CNTLN: variants seen among roughly 807,000 people sequenced by gnomAD.
CNTLN encodes centlein.
Under a neutral mutation model 180.0 loss-of-function variants are expected in CNTLN, and 212 were observed. The ratio of observed to expected loss-of-function variants is 1.18; its 90% CI spans 1.05 to 1.32. The LOEUF (loss-of-function observed/expected upper bound fraction) is 1.32, where lower values mean the gene tolerates loss of function less well. Among genes scored for constraint, CNTLN ranks in the 40% most tolerant of loss-of-function variants. The probability of loss-of-function intolerance (pLI) is 0.00; values close to 1 mark genes in which losing one functional copy is unlikely to be tolerated. For synonymous variants in CNTLN, 722 were observed against 563.1 expected (o/e 1.28, Z -3.99); for missense variants, 2,095 against 1,610.9 (o/e 1.30, Z -5.14).
chr9:17,445,277 C>G (rs1046222587), intron 18 of CNTLN, among the ~76,000 whole-genome samples: 1 of 151,988 alleles, frequency 6.6e-6, no homozygotes, highest in Non-Finnish European at 1.5e-5. Context: ...TTGAAATTCC[C>G]TGACTGGCTT....
At chr9:17,491,845 C>A (rs1247684977) in intron 25 of CNTLN, among the ~76,000 whole-genome samples, 1 of 149,284 alleles carries the variant, frequency 6.7e-6, no homozygotes, top group African/African-American at 2.6e-5. Flanking sequence ...TGTAGAATGC[C>A]TTGCAGTGTG....
rs537763145 is a variant in CNTLN at position 17,466,778 on chromosome 9, G to A, written c.3742G>A (p.Ala1248Thr). ...TGCAATGGCAGAAATTGAAACAGCAGCATCTAAGCAGCTTCAAGAATTAGC... is the reference window on the plus strand; with the variant it reads ...TGCAATGGCAGAAATTGAAACAGCAACATCTAAGCAGCTTCAAGAATTAGC... ...ESAMAEIETA[A>T]SKQLQELALQ... is the part of the protein sequence containing the mutation. Residue 1248 changes from alanine (A) to threonine (T), a missense_variant, in exon 23 of 26, where the codon GCA becomes ACA. Transcript: ENST00000380647. 39 of 1,610,848 alleles carry A rather than the reference G, an allele frequency of 2.4e-5. No homozygotes were observed. The Admixed American group carries it at 2.8e-4, about 12-fold the overall frequency.
chr9:17,366,714 G>C lies in CNTLN; in HGVS notation c.1984G>C (p.Glu662Gln). 6.5e-7 allele frequency: 1 copy of C among 1,536,418 alleles called. No homozygotes were observed. Among genetic ancestry groups the C allele is most frequent in the Non-Finnish European group, 8.9e-7 (1 of 1,125,182 alleles). The change falls in exon 13 of 26, where the codon GAA becomes CAA. Residue 662 changes from glutamate to glutamine, a missense_variant. Physicochemically the swap from Glu to Gln is conservative, Grantham distance 29 (BLOSUM62 2). Transcript: ENST00000380647. ...GAATAGATGTGTGGCAGAGAGAAGA[G>C]AAGGTAAATTTTCAGAAAATAAATA... ...ELNRCVAERREEQLFRSGEDD... is the reference protein window; with the variant it reads ...ELNRCVAERRQEQLFRSGEDD...
chr9:17,210,398 C>A (rs1823212441), intron 2 of CNTLN, among the ~76,000 whole-genome samples: 1 of 152,082 alleles, frequency 6.6e-6, no homozygotes, highest in South Asian at 2.1e-4. Flanking sequence ...TAAACTCATC[C>A]TTTTTTATGG....
chr9:17,519,346 CCTTA>C, the CNTLN span, among the ~76,000 whole-genome samples: 5 of 151,668 alleles, frequency 3.3e-5, no homozygotes, highest in Admixed American at 1.3e-4. Context: ...GTTCTTTTCT[CCTTA>C]CTTTTAATTT....
intron 18 of CNTLN, among the ~76,000 whole-genome samples, chr9:17,419,626 A>G (rs1380866588): frequency 2.0e-5 from 3 of 152,308 alleles, no homozygotes; most frequent in African/African-American, 4.8e-5. Context: ...TGTTTTCTAT[A>G]AAAGATTTTT....
chr9:17,298,475 A>C, intron 7 of CNTLN, 123 bp downstream of exon 7: 1 of 1,339,428 alleles, frequency 7.5e-7, no homozygotes, highest in East Asian at 2.9e-5. Flanking sequence ...GTGTTTCCTC[A>C]AAATTTAGAA....
At chr9:17,293,843 G>A (rs1817589108) in intron 6 of CNTLN, among the ~76,000 whole-genome samples, 1 of 152,112 alleles carries the variant, frequency 6.6e-6, no homozygotes, top group Non-Finnish European at 1.5e-5. Flanking sequence ...CTGCACTTGG[G>A]ACCCAAGGCC....
At chr9:17,389,526 C>G (rs1404800400) in intron 14 of CNTLN, among the ~76,000 whole-genome samples, 1 of 152,046 alleles carries the variant, frequency 6.6e-6, no homozygotes, top group East Asian at 1.9e-4. Context: ...ATTTTAAGAC[C>G]TGAACAACCA....
chr9:17,414,196 A>C (rs1828060774), intron 16 of CNTLN, among the ~76,000 whole-genome samples: 1 of 152,102 alleles, frequency 6.6e-6, no homozygotes. Context: ...TTTGCTGGCC[A>C]CTTTGTTGGT....
intron 15 of CNTLN, among the ~76,000 whole-genome samples, chr9:17,405,470 A>G (rs1362028333): frequency 1.3e-5 from 2 of 151,798 alleles, no homozygotes; most frequent in Non-Finnish European, 2.9e-5. Flanking sequence ...TGGAACGGCA[A>G]GGAGCCTGAT....
At chr9:17,139,276 C>T (rs527587524) in intron 1 of CNTLN, among the ~76,000 whole-genome samples, 2 of 151,644 alleles carry the variant, frequency 1.3e-5, no homozygotes, top group South Asian at 2.1e-4. Flanking sequence ...TTAGTAGAGA[C>T]GGGGTTTCAC....
intron 6 of CNTLN, among the ~76,000 whole-genome samples, chr9:17,290,897 C>T (rs948915565): frequency 5.9e-5 from 9 of 152,212 alleles, no homozygotes; most frequent in East Asian, 1.9e-4. Context: ...CACTGGCCTG[C>T]GCCCACTGTC....
At chr9:17,391,700 A>C (rs993013704) in intron 14 of CNTLN, among the ~76,000 whole-genome samples, 9 of 152,192 alleles carry the variant, frequency 5.9e-5, no homozygotes, top group African/African-American at 2.2e-4. Flanking sequence ...TTTAATGGCT[A>C]ATTCAGACTA....
At chr9:17,438,074 C>A (rs1313736596) in intron 18 of CNTLN, among the ~76,000 whole-genome samples, 1 of 152,100 alleles carries the variant, frequency 6.6e-6, no homozygotes, top group African/African-American at 2.4e-5. Context: ...CAACCCTGAC[C>A]ACTTATTATT....
intron 18 of CNTLN, among the ~76,000 whole-genome samples, chr9:17,434,977 T>A (rs1286005632): frequency 6.6e-6 from 1 of 152,188 alleles, no homozygotes; most frequent in Non-Finnish European, 1.5e-5. Flanking sequence ...CTTTCAAGAT[T>A]TTTTTGTCTT....
chr9:17,162,029 G>A (rs1157318183), intron 2 of CNTLN, among the ~76,000 whole-genome samples: 1 of 152,150 alleles, frequency 6.6e-6, no homozygotes, highest in Non-Finnish European at 1.5e-5. Flanking sequence ...CTGAAGACCT[G>A]TGCTAGTAAG....
chr9:17,387,790 T>G (rs1435772361), intron 13 of CNTLN, among the ~76,000 whole-genome samples: 2 of 152,028 alleles, frequency 1.3e-5, no homozygotes, highest in Admixed American at 6.6e-5. Flanking sequence ...GGGAACAAGA[T>G]CCAGAGAACA....
intron 2 of CNTLN, among the ~76,000 whole-genome samples, chr9:17,179,928 C>G (rs181626532): frequency 6.6e-6 from 1 of 152,102 alleles, no homozygotes; most frequent in Admixed American, 6.5e-5. Flanking sequence ...ATGTCCCTTA[C>G]TTTCCCTAGT....
Sources: gnomAD v4.1 joint callset for allele counts (sites outside exome capture counted in the v4.1 genomes callset) on GRCh38, gnomAD v4.1.1 for gene constraint, MANE v1.5 for transcripts, NCBI Gene and HGNC (gene_info 2026-07-23, HGNC 2026-07-21) for gene names.